The following DGKB variants were observed in gnomAD, a reference collection of about 807,000 sequenced individuals.
The protein encoded by DGKB is 90 kDa diacylglycerol kinase.
DGKB carries 67 observed loss-of-function variants against 114.3 expected under a neutral mutation model. That is an observed-to-expected ratio of 0.59 (90% confidence interval 0.48 to 0.72). The LOEUF is 0.72. DGKB is among the 30% of genes least tolerant of loss of function. The pLI is 0.00. For synonymous variants in DGKB, 398 were observed against 323.1 expected, an observed-to-expected ratio of 1.23 and a Z score of -2.49; for missense variants, 907 against 975.2, an observed-to-expected ratio of 0.93 and a Z score of 0.93.
chr7:14,572,603 A>C (rs1798565323), intron 20 of DGKB, among the ~76,000 whole-genome samples: 1 of 152,194 alleles, frequency 6.6e-6, no homozygotes, highest in Non-Finnish European at 1.5e-5. Flanking sequence ...CAAACAAAAA[A>C]TCCTAAGAGA....
intron 17 of DGKB, among the ~76,000 whole-genome samples, chr7:14,584,161 T>A (rs1287115771): frequency 6.6e-6 from 1 of 152,194 alleles, no homozygotes; most frequent in Non-Finnish European, 1.5e-5. Flanking sequence ...TATGCATATG[T>A]CATGTGTTGC....
chr7:14,632,856 C>A (rs562971009), intron 13 of DGKB, among the ~76,000 whole-genome samples: 1 of 151,814 alleles, frequency 6.6e-6, no homozygotes. Context: ...TCAATTAGAG[C>A]AGAAGCCCTT....
At chr7:14,620,688 A>G (rs1476554221) in intron 15 of DGKB, among the ~76,000 whole-genome samples, 1 of 151,776 alleles carries the variant, frequency 6.6e-6, no homozygotes, top group Non-Finnish European at 1.5e-5. Context: ...CTGTTGAAGT[A>G]AGAAACACAG....
intron 23 of DGKB, among the ~76,000 whole-genome samples, chr7:14,272,663 A>G (rs1014366221): frequency 1.3e-5 from 2 of 152,148 alleles, no homozygotes; most frequent in Admixed American, 6.5e-5. Context: ...ACATGACTGA[A>G]AACATTTTCT....
chr7:14,280,147 A>T (rs1465444476), intron 23 of DGKB, among the ~76,000 whole-genome samples: 1 of 151,876 alleles, frequency 6.6e-6, no homozygotes, highest in Non-Finnish European at 1.5e-5. Context: ...AGAATAACCA[A>T]TACAGAGAAG....
At chr7:14,582,410 A>C (rs1404447590) in intron 18 of DGKB, among the ~76,000 whole-genome samples, 1 of 152,162 alleles carries the variant, frequency 6.6e-6, no homozygotes, top group African/African-American at 2.4e-5. Flanking sequence ...GAGCGTTTTC[A>C]GTTTAAATAG....
chr7:14,555,777 A>C (rs931225254), intron 20 of DGKB, among the ~76,000 whole-genome samples: 6 of 152,194 alleles, frequency 3.9e-5, no homozygotes, highest in Non-Finnish European at 7.4e-5. Flanking sequence ...TGGTCACAAG[A>C]GTGATCTCTG....
intron 20 of DGKB, among the ~76,000 whole-genome samples, chr7:14,491,096 C>T (rs944794800): frequency 2.0e-5 from 3 of 152,042 alleles, no homozygotes; most frequent in African/African-American, 4.8e-5. Flanking sequence ...ATCCATGACT[C>T]ATGGTGCTAC....
intron 22 of DGKB, among the ~76,000 whole-genome samples, chr7:14,344,709 C>CTT (rs34413578): frequency 0.042 from 6,237 of 147,278 alleles, 180 homozygotes; most frequent in Non-Finnish European, 0.066. Context: ...CCTACAGTGT[C>CTT]TTTTTTTTTT....
At chr7:14,692,773 T>C (rs536732328) in intron 9 of DGKB, among the ~76,000 whole-genome samples, 1 of 151,976 alleles carries the variant, frequency 6.6e-6, no homozygotes, top group South Asian at 2.1e-4. Context: ...TTTTCCATCC[T>C]CTGACCATGT....
At chr7:14,549,911 C>T (rs1237938263) in intron 20 of DGKB, among the ~76,000 whole-genome samples, 1 of 151,666 alleles carries the variant, frequency 6.6e-6, no homozygotes, top group African/African-American at 2.4e-5. Flanking sequence ...TCACTTGAAC[C>T]CTGGGAGGTG....
intron 23 of DGKB, among the ~76,000 whole-genome samples, chr7:14,235,320 G>C (rs1333408757): frequency 6.6e-6 from 1 of 152,024 alleles, no homozygotes; most frequent in Non-Finnish European, 1.5e-5. Flanking sequence ...TACAAGAATG[G>C]AATGGTCTCT....
intron 1 of DGKB, among the ~76,000 whole-genome samples, chr7:14,918,718 A>C: frequency 6.6e-6 from 1 of 152,098 alleles, no homozygotes; most frequent in Non-Finnish European, 1.5e-5. Context: ...AATCAATGCA[A>C]TCCCAATCAA....
At chr7:14,675,332 C>T (rs1819660826) in intron 12 of DGKB, among the ~76,000 whole-genome samples, 2 of 152,032 alleles carry the variant, frequency 1.3e-5, no homozygotes. Flanking sequence ...TTGCAACTGA[C>T]ATGGTAAAGG....
chr7:14,849,135 T>C (rs1178533236), intron 1 of DGKB, among the ~76,000 whole-genome samples: 1 of 151,958 alleles, frequency 6.6e-6, no homozygotes, highest in Non-Finnish European at 1.5e-5. Context: ...AAAGATTATT[T>C]AGGAAATGTG....
At chr7:14,893,193 G>A (rs1047526166) in intron 1 of DGKB, among the ~76,000 whole-genome samples, 6 of 151,114 alleles carry the variant, frequency 4.0e-5, no homozygotes, top group East Asian at 2.0e-4. Flanking sequence ...ACAAGTTTTT[G>A]TCTGGGTTTC....
chr7:14,594,580 A>G (rs1802238272), intron 17 of DGKB, among the ~76,000 whole-genome samples: 1 of 152,126 alleles, frequency 6.6e-6, no homozygotes, highest in Admixed American at 6.5e-5. Flanking sequence ...TTATGGTCCA[A>G]ATTCATCATC....
At chr7:14,772,598 T>C (rs1211941857) in intron 2 of DGKB, among the ~76,000 whole-genome samples, 1 of 152,164 alleles carries the variant, frequency 6.6e-6, no homozygotes, top group Non-Finnish European at 1.5e-5. Flanking sequence ...ATAGATAAAA[T>C]AATGTAGCTA....
In DGKB at chr7:14,371,051, TC is replaced by T. The variant is rs375697462; in HGVS notation, c.1836-25661del. On this transcript the variant is annotated intron_variant, in intron 21 of 25. Coordinates refer to ENST00000402815, the MANE Select transcript of DGKB (RefSeq NM_001350709.2). ...TGGCATATATATATATAACACATTT[TC>T]TTGATCCAATCCACCACAGATGGGC... 1.6e-3 allele frequency among the ~76,000 whole-genome samples: 246 copies of T among 152,328 alleles called. 1 individual carries two copies. Among genetic ancestry groups the T allele is most frequent in the African/African-American group, 5.6e-3 (234 of 41,590 alleles).
Sources: allele counts gnomAD v4.1 joint callset (sites outside exome capture counted in the v4.1 genomes callset), GRCh38; gene constraint gnomAD v4.1.1; transcripts MANE v1.5; gene names NCBI Gene and HGNC (gene_info 2026-07-23, HGNC 2026-07-21).